The following ZZEF1 variants were observed in gnomAD, a reference collection of about 807,000 sequenced individuals.
The protein encoded by ZZEF1 is zinc finger ZZ-type and EF-hand domain containing 1.
Under a neutral mutation model 342.8 loss-of-function variants are expected in ZZEF1, and 157 were observed. That is an observed-to-expected ratio of 0.46 (90% CI 0.40 to 0.52). The LOEUF (loss-of-function observed/expected upper bound fraction) is 0.52, where lower values mean the gene tolerates loss of function less well. Ranked by LOEUF, ZZEF1 falls within the 20% of genes least tolerant of loss-of-function variation. The pLI is 0.00. For missense variants in ZZEF1, 3,480 were observed against 3,725.6 expected (o/e 0.93, Z 1.72); for synonymous variants, 1,505 against 1,429.1 (o/e 1.05, Z -1.20).
rs2057030555 is a variant in ZZEF1, at chr17:4,050,898, C to T, written c.5746G>A (p.Ala1916Thr). ...LALYSAHLAS[A>T]EDVDGEKLDP... Reference sequence around the variant, plus strand: ...AGCTTCTCCCCATCCACATCCTCTGCACTGGCCAGGTGGGCGCTATAGAGA... The same window carrying T: ...AGCTTCTCCCCATCCACATCCTCTGTACTGGCCAGGTGGGCGCTATAGAGA... The change falls in exon 36 of 55, where the codon GCA becomes ACA. Residue 1916 changes from alanine to threonine, a missense_variant. Coordinates refer to ENST00000381638, the MANE Select transcript of ZZEF1 (RefSeq NM_015113.4). The T allele has an allele frequency of 2.5e-6, 4 of 1,614,088 alleles. No individual in the cohort carries two copies. The highest frequency in any genetic ancestry group is 1.1e-5 in the South Asian group (1 of 91,092).
chr17:4,058,868 C>T (rs1053006837), intron 31 of ZZEF1, among the ~76,000 whole-genome samples: 3 of 151,928 alleles, frequency 2.0e-5, no homozygotes, highest in Non-Finnish European at 4.4e-5. Flanking sequence ...AGCATGAGGC[C>T]GTCTCAAAAC....
rs151205375 is a variant in ZZEF1 at position 4,035,369 on chromosome 17, C to T, written c.6307-1077G>A. ...AAATAAAAAGTGATTCTCAAGAAGG[C>T]GTCTTTCTGACATGGCAGCCTGGGA... On this transcript the variant is annotated intron_variant, in intron 39 of 54. Transcript: ENST00000381638. Among the ~76,000 whole-genome samples the T allele has an allele frequency of 4.2e-3, 639 of 152,274 alleles. 3 individuals are homozygous for T. Among genetic ancestry groups the T allele is most frequent in the Middle Eastern group, 0.02 (6 of 294 alleles).
rs554611239 is a variant in ZZEF1, at chr17:4,139,915, G to A, written c.354+2627C>T. On this transcript the variant is annotated intron_variant, in intron 1 of 54. Transcript: ENST00000381638. ...CCCAGCCTGTCCTGCAGGTAACTGC[G>A]GCCATGTGACTGAATTTTGGCCTGT... Among the ~76,000 whole-genome samples the A allele has an allele frequency of 2.0e-5, 3 of 152,338 alleles. No homozygotes were observed. The East Asian group carries it at 5.8e-4, about 29-fold the overall frequency.
chr17:4,103,242 GA>G (rs200968768), intron 8 of ZZEF1, among the ~76,000 whole-genome samples: 25 of 149,266 alleles, frequency 1.7e-4, no homozygotes, highest in East Asian at 1.6e-3. Context: ...ACAGGCAAAA[GA>G]AAAAAAAAAT....
rs750923776 is a variant in ZZEF1 at position 4,019,749 on chromosome 17, A to G, written c.7425T>C (p.Asn2475=). The G allele has an allele frequency of 6.2e-7, 1 of 1,610,548 alleles. No homozygotes were observed. Among genetic ancestry groups the G allele is most frequent in the African/African-American group, 1.3e-5 (1 of 74,670 alleles). Residue 2475 remains asparagine, a synonymous_variant, in exon 46 of 55, where the codon AAT becomes AAC. Transcript: ENST00000381638. The part of the protein sequence containing the change: ...ICFLMAHDAL[N]APLHILRAIY... The stretch of plus-strand genomic sequence containing the variant: ...TGGCCCGGAGAATGTGCAGAGGGGC[A>G]TTGAGGGCATCATGAGCCATCTGGA...
chr17:4,041,032 C>T (rs1487655998), intron 39 of ZZEF1, among the ~76,000 whole-genome samples: 1 of 152,146 alleles, frequency 6.6e-6, no homozygotes, highest in East Asian at 1.9e-4. Flanking sequence ...AGAACAAAGG[C>T]TCCGGCTGAT....
rs961276167 is a variant in ZZEF1 at position 4,067,252 on chromosome 17, G to C, written c.4076-10C>G. On this transcript the variant is annotated splice_polypyrimidine_tract_variant and intron_variant, in intron 26 of 54. Coordinates refer to ENST00000381638, the MANE Select transcript of ZZEF1 (RefSeq NM_015113.4). ...TTGCCCCCACTGTTGACTGGGGAGAGAAGCAGAGATGGAGATTACATTCAG... is the reference window on the plus strand; with the variant it reads ...TTGCCCCCACTGTTGACTGGGGAGACAAGCAGAGATGGAGATTACATTCAG... 5.6e-6 allele frequency: 9 copies of C among 1,609,542 alleles called. No homozygotes were observed. In the African/African-American group the frequency reaches 9.4e-5, roughly 17 times the overall value.
intron 39 of ZZEF1, among the ~76,000 whole-genome samples, chr17:4,035,771 G>A (rs1301201472): frequency 6.6e-6 from 1 of 152,196 alleles, no homozygotes; most frequent in African/African-American, 2.4e-5. Context: ...TCGTCTCACT[G>A]CAAGGGGGCA....
chr17:4,086,302 G>T (rs2057819946), intron 15 of ZZEF1, among the ~76,000 whole-genome samples, 184 bp downstream of exon 15: 1 of 14,318 alleles, frequency 7.0e-5, no homozygotes, highest in Admixed American at 6.2e-4. Context: ...CCTTTCTGGG[G>T]GATTCCCACA....
rs776678546 is a variant in ZZEF1, at chr17:4,142,801, C to T, written c.95G>A (p.Gly32Asp). Residue 32 changes from glycine to aspartate, a missense_variant, in exon 1 of 55, where the codon GGC becomes GAC. Physicochemically the swap from Gly to Asp is moderately conservative, Grantham distance 94. Transcript: ENST00000381638. Reference sequence around the variant, plus strand: ...CGCGACGCCCGGGCCGGGGGTCGTGCCCGAGACCGCGGCCCAGTCCTGGTG... The same window carrying T: ...CGCGACGCCCGGGCCGGGGGTCGTGTCCGAGACCGCGGCCCAGTCCTGGTG... ...GPHQDWAAVSGTTPGPGVAAP... is the reference protein window; with the variant it reads ...GPHQDWAAVSDTTPGPGVAAP... 2 of 1,408,564 alleles carry T rather than the reference C, an allele frequency of 1.4e-6. No homozygotes were observed. The highest frequency in any genetic ancestry group is 1.8e-6 in the Non-Finnish European group (2 of 1,093,308). The allele number at this position is 1,408,564 out of a possible 1,614,324, so 87.3% of individuals were successfully genotyped here. A position where few individuals can be genotyped will look rare whatever the true frequency, so the allele number is the denominator to read the frequency against.
chr17:4,138,329 T>G (rs1597954932), intron 1 of ZZEF1, among the ~76,000 whole-genome samples: 1 of 152,298 alleles, frequency 6.6e-6, no homozygotes, highest in East Asian at 1.9e-4. Context: ...AGTTGATTAA[T>G]ACTTTTCACA....
intron 10 of ZZEF1, 114 bp downstream of exon 10, chr17:4,096,495 A>T (rs1169527422): frequency 3.6e-6 from 3 of 823,258 alleles, no homozygotes; most frequent in East Asian, 4.9e-5. Flanking sequence ...TTCACATTGC[A>T]TGCCTGTATC....
chr17:4,142,006 T>C (rs185559952), intron 1 of ZZEF1, among the ~76,000 whole-genome samples: 11 of 152,334 alleles, frequency 7.2e-5, no homozygotes, highest in Middle Eastern at 3.4e-3. Flanking sequence ...GAGTCTAATA[T>C]ATGGTTCTTT....
intron 26 of ZZEF1, among the ~76,000 whole-genome samples, chr17:4,069,136 C>T (rs1317070159): frequency 6.6e-6 from 1 of 152,226 alleles, no homozygotes; most frequent in Non-Finnish European, 1.5e-5. Context: ...TATGTGGTAT[C>T]TGAACACAGC....
chr17:4,134,862 T>C (rs2058723775), intron 1 of ZZEF1, among the ~76,000 whole-genome samples: 1 of 151,966 alleles, frequency 6.6e-6, no homozygotes. Flanking sequence ...TGTGCTTTAA[T>C]GGGTAACTAG....
Position 4,142,697 on chromosome 17 carries a change from G to T in ZZEF1, c.199C>A (p.Pro67Thr). 1 of 1,604,078 alleles carries T rather than the reference G, an allele frequency of 6.2e-7. No individual in the cohort carries two copies. The highest frequency in any genetic ancestry group is 8.5e-7 in the Non-Finnish European group (1 of 1,178,428). The change falls in exon 1 of 55, where the codon CCC (proline) becomes ACC (threonine). Residue 67 changes from proline to threonine, a missense_variant. Physicochemically the swap from Pro to Thr is conservative, Grantham distance 38. Coordinates refer to ENST00000381638, the MANE Select transcript of ZZEF1 (RefSeq NM_015113.4). ...REAAAALLPT[P>T]PCESLVSRHR... ...CTCGACACCAGCGACTCGCAGGGGG[G>T]TGTGGGCAGCAACGCTGCAGCAGCC... is the stretch of plus-strand genomic sequence containing the variant.
chr17:4,072,562 C>A, intron 25 of ZZEF1, 46 bp downstream of exon 25: 1 of 1,560,170 alleles, frequency 6.4e-7, no homozygotes. Context: ...TAAATACTTG[C>A]AGGCAGTTTC....
chr17:4,067,269 T>A (rs1490764748), intron 26 of ZZEF1, 27 bp from the exon 27 acceptor site: 1 of 1,585,514 alleles, frequency 6.3e-7, no homozygotes, highest in Non-Finnish European at 8.6e-7. Context: ...AGATGGAGAT[T>A]ACATTCAGGT....
rs114782080 is a variant in ZZEF1, at chr17:4,034,179, G to A, written c.6420C>T (p.Leu2140=). Residue 2140 remains leucine (L), a synonymous_variant, in exon 40 of 55, where the codon CTC becomes CTT. Transcript: ENST00000381638. The part of the protein sequence containing the change: ...NETYHLTLGL[L]GQLIIRLLPA... ...GCAAAAGACGGATAATTAACTGGCC[G>A]AGAAGACCCAGGGTGAGATGGTAGG... 307 of 1,614,146 alleles carry A rather than the reference G, an allele frequency of 1.9e-4. 1 individual carries two copies. In the African/African-American group the frequency reaches 3.2e-3, roughly 17 times the overall value.
Sources: allele counts gnomAD v4.1 joint callset (sites outside exome capture counted in the v4.1 genomes callset), GRCh38; gene constraint gnomAD v4.1.1; transcripts MANE v1.5; gene names NCBI Gene and HGNC (gene_info 2026-07-23, HGNC 2026-07-21).